Variants in ADIG observed in about 807,000 individuals in gnomAD.
ADIG encodes adipogenin.
ADIG carries 12 observed loss-of-function variants against 10.7 expected under a neutral mutation model. That is an observed-to-expected ratio of 1.12 (90% CI 0.72 to 1.82). ADIG has a LOEUF of 1.82. ADIG is among the 40% of genes most tolerant of loss of function. The probability of loss-of-function intolerance (pLI) is 0.00; values close to 1 mark genes in which losing one functional copy is unlikely to be tolerated. For missense variants in ADIG, 72 were observed against 92.5 expected (o/e 0.78, Z 0.91); for synonymous variants, 32 against 35.6 (o/e 0.90, Z 0.36).
rs1223844764 is a variant in ADIG, at chr20:38,588,304, G to A, written c.*218G>A. The A allele has an allele frequency of 8.4e-6, 11 of 1,303,978 alleles. No homozygotes were observed. Among genetic ancestry groups the A allele is most frequent in the East Asian group, 1.1e-4 (2 of 18,040 alleles). The allele number at this position is 1,303,978 out of a possible 1,614,324, so 80.8% of individuals were successfully genotyped here. On this transcript the variant is annotated 3_prime_UTR_variant, in exon 3 of 3. Coordinates refer to ENST00000537425, the MANE Select transcript of ADIG (RefSeq NM_001393816.1). ...ATGACCTCCAGCCCTGCAGGGAGCC[G>A]CTCAAGTCTGGGAGGGCATGGGAGC...
At chr20:38,582,567 T>G (rs538126909) in intron 1 of ADIG, among the ~76,000 whole-genome samples, 1 of 152,144 alleles carries the variant, frequency 6.6e-6, no homozygotes, top group African/African-American at 2.4e-5. Flanking sequence ...TGATCTCAAA[T>G]GTAGGGGCTT....
intron 1 of ADIG, among the ~76,000 whole-genome samples, chr20:38,584,078 C>T (rs187212142): frequency 1.3e-5 from 2 of 150,866 alleles, no homozygotes; most frequent in East Asian, 4.0e-4. Flanking sequence ...GCCGCCTCCT[C>T]CCCACCACCC....
At chr20:38,588,048 C>CT in intron 2 of ADIG, 53 bp from the exon 3 acceptor site, 2 of 1,244,606 alleles carry the variant, frequency 1.6e-6, no homozygotes, top group Non-Finnish European at 1.0e-6. Flanking sequence ...TTACCCACCT[C>CT]TTTTTTCTCA....
intron 1 of ADIG, among the ~76,000 whole-genome samples, chr20:38,582,697 A>AG (rs2088599869): frequency 6.6e-6 from 1 of 152,152 alleles, no homozygotes; most frequent in South Asian, 2.1e-4. Flanking sequence ...GCCCTCCCTG[A>AG]GGGGCACGGT....
In ADIG at chr20:38,586,033, A is replaced by G; in HGVS notation, c.129A>G (p.Ser43=). 1 of 1,605,946 alleles carries G rather than the reference A, an allele frequency of 6.2e-7. No homozygotes were observed. Among genetic ancestry groups the G allele is most frequent in the South Asian group, 1.1e-5 (1 of 88,944 alleles). Residue 43 remains serine, a synonymous_variant, in exon 2 of 3, where the codon TCA becomes TCG. Coordinates refer to ENST00000537425, the MANE Select transcript of ADIG (RefSeq NM_001393816.1). Reference sequence around the variant, plus strand: ...CCTTGCCTCGTATCTCCACAGATTCAGAGGAAAATGACTCCAGTGTGTGCT... The same window carrying G: ...CCTTGCCTCGTATCTCCACAGATTCGGAGGAAAATGACTCCAGTGTGTGCT... ...IWLRFLLSQD[S]EENDSSVCLD...
At chr20:38,584,060 G>T (rs756954069) in intron 1 of ADIG, among the ~76,000 whole-genome samples, 6 of 152,086 alleles carry the variant, frequency 3.9e-5, no homozygotes, top group Non-Finnish European at 5.9e-5. Context: ...GCAGACAGGA[G>T]TAGCTCTGCC....
chr20:38,583,955 G>A (rs1019090204), intron 1 of ADIG, among the ~76,000 whole-genome samples: 1 of 152,038 alleles, frequency 6.6e-6, no homozygotes, highest in Non-Finnish European at 1.5e-5. Context: ...TCAGGGTTTG[G>A]GGGGCTAAGG....
At position 38,588,396 on chromosome 20, in the gene ADIG, C is replaced by A. The variant is rs1482320523; in HGVS notation, c.*310C>A. The A allele has an allele frequency of 2.4e-6, 3 of 1,259,778 alleles. No individual in the cohort carries two copies. The highest frequency in any genetic ancestry group is 3.1e-6 in the Non-Finnish European group (3 of 967,466). 78.0% of individuals were successfully genotyped at this position (1,259,778 alleles called of 1,614,324 possible). A position where few individuals can be genotyped will look rare whatever the true frequency, so the allele number is the denominator to read the frequency against. ...GAGGGGTCTTAAAGCAGGGCTGGGC[C>A]GGAGGGTGTGGGTCCATATTAAAGA... is the stretch of plus-strand genomic sequence containing the variant. On this transcript the variant is annotated 3_prime_UTR_variant, in exon 3 of 3. Transcript: ENST00000537425.
At chr20:38,586,506 T>A (rs1031841394) in intron 2 of ADIG, among the ~76,000 whole-genome samples, 1 of 152,144 alleles carries the variant, frequency 6.6e-6, no homozygotes, top group Non-Finnish European at 1.5e-5. Context: ...CTTGCTCTAA[T>A]GTCACTTTTT....
rs868243891 is a variant in ADIG, at chr20:38,588,029, C to T, written c.*15-72C>T. 9 of 1,232,076 alleles carry T rather than the reference C, an allele frequency of 7.3e-6. No homozygotes were observed. The Admixed American group carries it at 9.0e-5, about 12-fold the overall frequency. The allele number at this position is 1,232,076 out of a possible 1,614,324, so 76.3% of individuals were successfully genotyped here. Reference sequence around the variant, plus strand: ...CTGGGATTACAGGCATGAACCACCACGTCTGGCCTTACCCACCTCTTTTTT... The same window carrying T: ...CTGGGATTACAGGCATGAACCACCATGTCTGGCCTTACCCACCTCTTTTTT... On this transcript the variant is annotated intron_variant, in intron 2 of 2. Transcript: ENST00000537425.
At chr20:38,582,561 C>T (rs961460006) in intron 1 of ADIG, among the ~76,000 whole-genome samples, 6 of 152,198 alleles carry the variant, frequency 3.9e-5, no homozygotes, top group African/African-American at 7.2e-5. Flanking sequence ...GCCCCATGAT[C>T]TCAAATGTAG....
intron 1 of ADIG, among the ~76,000 whole-genome samples, chr20:38,582,498 A>G (rs1215841955): frequency 2.0e-5 from 3 of 152,202 alleles, no homozygotes; most frequent in Non-Finnish European, 4.4e-5. Context: ...GCCGCCAGCA[A>G]TGGTCAGATG....
At chr20:38,583,217 T>C (rs191920714) in intron 1 of ADIG, among the ~76,000 whole-genome samples, 62 of 152,356 alleles carry the variant, frequency 4.1e-4, no homozygotes, top group Admixed American at 3.5e-3. Flanking sequence ...CATAATCTTA[T>C]GTAATCCTCA....
rs2088656320 is a variant in ADIG at position 38,588,430 on chromosome 20, TCTTCCCATACC to T, written c.*346_*356del. The T allele has an allele frequency of 5.8e-6, 7 of 1,214,776 alleles. No individual in the cohort carries two copies. Among genetic ancestry groups the T allele is most frequent in the Non-Finnish European group, 6.3e-6 (6 of 947,054 alleles). The allele number at this position is 1,214,776 out of a possible 1,614,324, so 75.2% of individuals were successfully genotyped here. On this transcript the variant is annotated 3_prime_UTR_variant, in exon 3 of 3. Coordinates refer to ENST00000537425, the MANE Select transcript of ADIG (RefSeq NM_001393816.1). ...TGGGTCCATATTAAAGAAGCAAGGG[TCTTCCCATACC>T]CGGGGGACCCCTGACAAACCTACCA... is the stretch of plus-strand genomic sequence containing the variant.
intron 1 of ADIG, among the ~76,000 whole-genome samples, chr20:38,582,269 C>T (rs2088596461): frequency 1.3e-5 from 2 of 152,162 alleles, no homozygotes; most frequent in African/African-American, 4.8e-5. Flanking sequence ...TGGTGGCATG[C>T]ATCTGTGGTC....
intron 2 of ADIG, among the ~76,000 whole-genome samples, chr20:38,587,742 T>A (rs1177327603): frequency 7.4e-4 from 18 of 24,246 alleles, no homozygotes; most frequent in Non-Finnish European, 2.1e-3. Context: ...TTTTTTCCCT[T>A]TTTTTTTTTT....
intron 1 of ADIG, among the ~76,000 whole-genome samples, chr20:38,583,757 C>T (rs916567956): frequency 1.3e-5 from 2 of 152,220 alleles, no homozygotes; most frequent in Non-Finnish European, 2.9e-5. Flanking sequence ...AACCCCTCCG[C>T]AGACTTTCTC....
At chr20:38,585,515 G>T in intron 1 of ADIG, 3 of 1,550,554 alleles carry the variant, frequency 1.9e-6, no homozygotes, top group Non-Finnish European at 2.6e-6. Flanking sequence ...GAGGGTCCGG[G>T]TCTCCATGTG....
At chr20:38,585,039 T>C (rs906969321) in intron 1 of ADIG, among the ~76,000 whole-genome samples, 2 of 152,226 alleles carry the variant, frequency 1.3e-5, no homozygotes, top group African/African-American at 4.8e-5. Context: ...CCTCCCAAAG[T>C]GCTGGGATTA....
Sources: gnomAD v4.1 joint callset for allele counts (sites outside exome capture counted in the v4.1 genomes callset) on GRCh38, gnomAD v4.1.1 for gene constraint, MANE v1.5 for transcripts, NCBI Gene and HGNC (gene_info 2026-07-23, HGNC 2026-07-21) for gene names.